DCDC2: variants seen among roughly 807,000 people sequenced by gnomAD.
DCDC2 encodes doublecortin domain-containing protein 2.
In DCDC2, 40 loss-of-function variants were observed where a neutral mutation model predicts 50.2. The ratio of observed to expected loss-of-function variants is 0.80; its 90% CI spans 0.62 to 1.04. DCDC2 has a LOEUF of 1.04. Ranked by LOEUF, DCDC2 falls within the 50% of genes least tolerant of loss-of-function variation. The probability of loss-of-function intolerance (pLI) is 0.00; values close to 1 mark genes in which losing one functional copy is unlikely to be tolerated. For synonymous variants in DCDC2, 234 were observed against 210.6 expected (o/e 1.11, Z -0.96); for missense variants, 570 against 581.9 (o/e 0.98, Z 0.21).
intron 2 of DCDC2, among the ~76,000 whole-genome samples, chr6:24,335,990 G>C (rs530411474): frequency 6.6e-6 from 1 of 152,124 alleles, no homozygotes. Flanking sequence ...AGGCTTTTAC[G>C]CCAGTACTGA....
chr6:24,361,792 C>G (rs1026057555), upstream of DCDC2, among the ~76,000 whole-genome samples: 1 of 152,306 alleles, frequency 6.6e-6, no homozygotes, highest in East Asian at 1.9e-4. Context: ...GGGACCCTGA[C>G]GCCAGCCCAT....
intron 7 of DCDC2, among the ~76,000 whole-genome samples, chr6:24,211,359 A>G (rs771680723): frequency 1.3e-5 from 2 of 152,180 alleles, no homozygotes; most frequent in Non-Finnish European, 2.9e-5. Context: ...TTGAGGTACA[A>G]CCTACAAAGG....
chr6:24,182,019 C>T (rs572378150), intron 8 of DCDC2, among the ~76,000 whole-genome samples: 60 of 152,242 alleles, frequency 3.9e-4, no homozygotes, highest in African/African-American at 1.4e-3. Flanking sequence ...TTCACATATA[C>T]GGTCAAATGG....
At chr6:24,317,920 G>C (rs1193744932) in intron 2 of DCDC2, among the ~76,000 whole-genome samples, 1 of 151,352 alleles carries the variant, frequency 6.6e-6, no homozygotes, top group Non-Finnish European at 1.5e-5. Context: ...CTTGTAACTA[G>C]AGAAATGCAA....
intron 7 of DCDC2, among the ~76,000 whole-genome samples, chr6:24,224,213 CATTA>C (rs1331106891): frequency 6.6e-6 from 1 of 152,098 alleles, no homozygotes; most frequent in Non-Finnish European, 1.5e-5. Context: ...TTCGTTCATT[CATTA>C]ATTCATTCAT....
chr6:24,327,472 A>ATTTT (rs1759892252), intron 2 of DCDC2, among the ~76,000 whole-genome samples: 1 of 139,428 alleles, frequency 7.2e-6, no homozygotes, highest in African/African-American at 2.7e-5. Flanking sequence ...TTATTTATTT[A>ATTTT]TTTATTTATT....
rs190028804 is a variant in DCDC2, at chr6:24,308,526, T to A, written c.349-6482A>T. ...TATACAAAATTTCATACAAAATGAC[T>A]AGTACACAACACAAACTATAAAACA... is the stretch of plus-strand genomic sequence containing the variant. On this transcript the variant is annotated intron_variant, in intron 2 of 9. Transcript: ENST00000378454. Among the ~76,000 whole-genome samples, 1,061 of 152,250 alleles carry A rather than the reference T, an allele frequency of 7.0e-3. 14 individuals are homozygous for A. Among genetic ancestry groups the A allele is most frequent in the Non-Finnish European group, 0.011 (733 of 68,014 alleles).
chr6:24,367,808 T>C, the DCDC2 span, among the ~76,000 whole-genome samples: 1 of 151,900 alleles, frequency 6.6e-6, no homozygotes, highest in African/African-American at 2.4e-5. Context: ...AATGGGAATC[T>C]GAAGGAACAA....
chr6:24,258,213 A>G (rs1380810257), intron 7 of DCDC2, among the ~76,000 whole-genome samples: 1 of 152,200 alleles, frequency 6.6e-6, no homozygotes, highest in Non-Finnish European at 1.5e-5. Context: ...GTGAAGAGCA[A>G]AAGAAAAACC....
chr6:24,357,384 G>GA, intron 1 of DCDC2, 74 bp downstream of exon 1: 1 of 1,480,714 alleles, frequency 6.8e-7, no homozygotes, highest in Admixed American at 2.2e-5. Context: ...GGGGGGTAGG[G>GA]ATCTGCATTT....
intron 4 of DCDC2, among the ~76,000 whole-genome samples, chr6:24,301,350 G>A (rs557480257): frequency 6.6e-4 from 72 of 109,130 alleles, no homozygotes; most frequent in Non-Finnish European, 8.4e-4. Context: ...CAGCCTGGGC[G>A]ACAGAGCAAG....
chr6:24,236,898 A>G (rs916917251), intron 7 of DCDC2, among the ~76,000 whole-genome samples: 2 of 152,052 alleles, frequency 1.3e-5, no homozygotes, highest in African/African-American at 2.4e-5. Flanking sequence ...TAATCTGGCC[A>G]CTTGGGGGGC....
chr6:24,269,243 A>T (rs1460861651), intron 7 of DCDC2, among the ~76,000 whole-genome samples: 1 of 152,234 alleles, frequency 6.6e-6, no homozygotes, highest in Non-Finnish European at 1.5e-5. Flanking sequence ...GACTAAATAC[A>T]TTTAAGTAGA....
chr6:24,325,208 T>G (rs980429922), intron 2 of DCDC2, among the ~76,000 whole-genome samples: 2 of 131,780 alleles, frequency 1.5e-5, no homozygotes, highest in East Asian at 8.4e-4. Flanking sequence ...TTCCTCACAC[T>G]TCTCCTCGGT....
At chr6:24,248,306 A>G (rs746147351) in intron 7 of DCDC2, among the ~76,000 whole-genome samples, 3 of 152,260 alleles carry the variant, frequency 2.0e-5, no homozygotes, top group Non-Finnish European at 4.4e-5. Context: ...TTCAAACACT[A>G]ACTTCTTCAC....
chr6:24,198,527 T>G (rs892092184), intron 8 of DCDC2, among the ~76,000 whole-genome samples: 3 of 152,030 alleles, frequency 2.0e-5, no homozygotes, highest in African/African-American at 7.2e-5. Context: ...GGAGATTCCC[T>G]CAGGTGCCTA....
upstream of DCDC2, chr6:24,358,126 A>ACG: frequency 1.8e-6 from 1 of 566,960 alleles, no homozygotes; most frequent in Non-Finnish European, 3.2e-6. Flanking sequence ...AGAGAGGAGG[A>ACG]CGCACACACA....
chr6:24,378,956 GAAAAAA>G, the DCDC2 span, among the ~76,000 whole-genome samples: 10 of 67,434 alleles, frequency 1.5e-4, no homozygotes, highest in East Asian at 1.0e-3. Flanking sequence ...GTCTCATTTG[GAAAAAA>G]AAAAAAAAAA....
At chr6:24,273,620 G>A (rs1367973490) in intron 7 of DCDC2, among the ~76,000 whole-genome samples, 1 of 152,170 alleles carries the variant, frequency 6.6e-6, no homozygotes, top group Admixed American at 6.5e-5. Flanking sequence ...ACACGTGAGA[G>A]AGCACATTTT....
Sources: gnomAD v4.1 joint callset for allele counts (sites outside exome capture counted in the v4.1 genomes callset) on GRCh38, gnomAD v4.1.1 for gene constraint, MANE v1.5 for transcripts, NCBI Gene and HGNC (gene_info 2026-07-23, HGNC 2026-07-21) for gene names.